The following LIMCH1 variants were observed in gnomAD, a reference collection of about 807,000 sequenced individuals.
LIMCH1 encodes the protein LIM and calponin homology domains 1, also known as LIM and calponin homology domains-containing protein 1.
LIMCH1 carries 113 observed loss-of-function variants against 176.5 expected under a neutral mutation model. The observed-to-expected ratio is 0.64, with a 90% CI of 0.55 to 0.75. The LOEUF is 0.75. LIMCH1 is among the 30% of genes least tolerant of loss of function. LIMCH1 has a pLI of 0.00. For missense variants in LIMCH1, 1,674 were observed against 1,814.9 expected (o/e 0.92, Z 1.41); for synonymous variants, 619 against 645.9 (o/e 0.96, Z 0.63).
chr4:41,624,315 G>A (rs929672106), intron 7 of LIMCH1, among the ~76,000 whole-genome samples: 9 of 151,926 alleles, frequency 5.9e-5, no homozygotes, highest in South Asian at 2.1e-4. Flanking sequence ...GTGTGGGGGC[G>A]TAAAAAAACC....
At chr4:41,386,271 A>G (rs1424804135) in intron 1 of LIMCH1, among the ~76,000 whole-genome samples, 2 of 152,186 alleles carry the variant, frequency 1.3e-5, no homozygotes, top group East Asian at 3.9e-4. Flanking sequence ...ACCTACAGGA[A>G]CATCAGTATT....
chr4:41,631,014 T>A (rs968844493), intron 9 of LIMCH1, 134 bp from the exon 10 acceptor site: 36 of 764,882 alleles, frequency 4.7e-5, no homozygotes, highest in Non-Finnish European at 7.0e-5. Context: ...GTTGGTTGAA[T>A]CCCGTCAGTG....
chr4:41,689,825 A>G (rs952235771), intron 30 of LIMCH1, 190 bp downstream of exon 30: 3 of 466,104 alleles, frequency 6.4e-6, no homozygotes, highest in African/African-American at 5.8e-5. Flanking sequence ...AGATTAGAAG[A>G]AGCAGAAAGG....
intron 13 of LIMCH1, among the ~76,000 whole-genome samples, chr4:41,637,459 G>C (rs1304523111): frequency 6.6e-6 from 1 of 152,182 alleles, no homozygotes; most frequent in Non-Finnish European, 1.5e-5. Flanking sequence ...CAAAGTGCTG[G>C]GATTACAAGC....
At chr4:41,374,280 T>G (rs1051156491) in intron 1 of LIMCH1, among the ~76,000 whole-genome samples, 7 of 152,088 alleles carry the variant, frequency 4.6e-5, no homozygotes, top group Admixed American at 4.6e-4. Context: ...TTTTCTGTAT[T>G]TTAAAAGAAA....
intron 25 of LIMCH1, among the ~76,000 whole-genome samples, chr4:41,682,059 C>G (rs1393743846): frequency 6.6e-6 from 1 of 152,168 alleles, no homozygotes; most frequent in African/African-American, 2.4e-5. Context: ...ACCAGAAAAC[C>G]ATTTGTCCTG....
Position 41,447,251 on chromosome 4 carries a change from C to T in LIMCH1, c.97-47285C>T, listed in dbSNP as rs573666724. Reference sequence around the variant, plus strand: ...CCCTGTCTCAACAACAAACAAACAGCGCTCCCAAAACCCAACAACAAATAA... The same window carrying T: ...CCCTGTCTCAACAACAAACAAACAGTGCTCCCAAAACCCAACAACAAATAA... On this transcript the variant is annotated intron_variant, in intron 1 of 26. Transcript: ENST00000313860. 1.8e-3 allele frequency among the ~76,000 whole-genome samples: 267 copies of T among 152,206 alleles called. 1 individual carries two copies. The highest frequency in any genetic ancestry group is 3.4e-3 in the Middle Eastern group (1 of 294).
intron 1 of LIMCH1, among the ~76,000 whole-genome samples, chr4:41,429,884 TG>T (rs1305157104): frequency 1.3e-5 from 2 of 152,036 alleles, no homozygotes; most frequent in Non-Finnish European, 2.9e-5. Context: ...AAAGGAAACA[TG>T]GTGAATCATG....
At chr4:41,505,337 C>T (rs1177175237) in intron 2 of LIMCH1, among the ~76,000 whole-genome samples, 1 of 152,180 alleles carries the variant, frequency 6.6e-6, no homozygotes, top group African/African-American at 2.4e-5. Flanking sequence ...TCACTGTGCA[C>T]CCAGTGGCTC....
At chr4:41,361,017 C>A (rs916616711) in intron 1 of LIMCH1, 14 of 986,956 alleles carry the variant, frequency 1.4e-5, no homozygotes, top group South Asian at 7.1e-5. Flanking sequence ...GCAGGTCCAG[C>A]CTTGCCTCCC....
At chr4:41,430,954 G>A (rs904751085) in intron 1 of LIMCH1, among the ~76,000 whole-genome samples, 3 of 152,024 alleles carry the variant, frequency 2.0e-5, no homozygotes, top group Admixed American at 6.6e-5. Flanking sequence ...GCTTCATGAC[G>A]GAAAGTGTAG....
intron 1 of LIMCH1, among the ~76,000 whole-genome samples, chr4:41,443,619 A>G (rs1469656844): frequency 6.6e-6 from 1 of 152,202 alleles, no homozygotes; most frequent in African/African-American, 2.4e-5. Flanking sequence ...TCCTAGGAGA[A>G]ACGAAGATCT....
intron 1 of LIMCH1, among the ~76,000 whole-genome samples, chr4:41,559,048 AT>A (rs2081701478): frequency 6.6e-6 from 1 of 152,184 alleles, no homozygotes; most frequent in African/African-American, 2.4e-5. Flanking sequence ...CTGAAAAAAA[AT>A]ATTTTATCTG....
intron 1 of LIMCH1, among the ~76,000 whole-genome samples, chr4:41,473,515 C>T (rs2067288984): frequency 6.6e-6 from 1 of 152,212 alleles, no homozygotes; most frequent in Non-Finnish European, 1.5e-5. Context: ...AATCAAGAGT[C>T]TAGTTCAGGG....
intron 1 of LIMCH1, among the ~76,000 whole-genome samples, chr4:41,404,558 A>T (rs1415308331): frequency 2.0e-5 from 3 of 152,068 alleles, no homozygotes; most frequent in Non-Finnish European, 4.4e-5. Flanking sequence ...TGGGTGGATC[A>T]CTTGAGGTCA....
chr4:41,669,484 G>A (rs946606303), intron 21 of LIMCH1, among the ~76,000 whole-genome samples: 1 of 152,122 alleles, frequency 6.6e-6, no homozygotes, highest in African/African-American at 2.4e-5. Flanking sequence ...GTAGGGCTTG[G>A]AGCCCACTCT....
At chr4:41,391,934 C>T (rs540848710) in intron 1 of LIMCH1, among the ~76,000 whole-genome samples, 1 of 152,298 alleles carries the variant, frequency 6.6e-6, no homozygotes, top group East Asian at 1.9e-4. Flanking sequence ...TTAGAGGAAG[C>T]TGGATAAAGA....
upstream of LIMCH1, among the ~76,000 whole-genome samples, chr4:41,534,028 T>C (rs1281757191): frequency 2.0e-5 from 3 of 152,154 alleles, no homozygotes; most frequent in African/African-American, 4.8e-5. Context: ...TTTGGACTCA[T>C]TTTGTGTGCA....
chr4:41,375,641 G>A (rs1184311447), intron 1 of LIMCH1, among the ~76,000 whole-genome samples: 4 of 152,100 alleles, frequency 2.6e-5, no homozygotes, highest in Admixed American at 6.5e-5. Flanking sequence ...GCTGTTCACC[G>A]GACACTCCGG....
Sources: gnomAD v4.1 joint callset for allele counts (sites outside exome capture counted in the v4.1 genomes callset) on GRCh38, gnomAD v4.1.1 for gene constraint, MANE v1.5 for transcripts, NCBI Gene and HGNC (gene_info 2026-07-23, HGNC 2026-07-21) for gene names.